The following CADM2 variants were observed in gnomAD, a reference collection of about 807,000 sequenced individuals.
CADM2 encodes the protein cell adhesion molecule 2.
In CADM2, 12 loss-of-function variants were observed where a neutral mutation model predicts 49.8. The ratio of observed to expected loss-of-function variants is 0.24; its 90% CI spans 0.15 to 0.39. The LOEUF (loss-of-function observed/expected upper bound fraction) is 0.39. Ranked by LOEUF, CADM2 falls within the 10% of genes least tolerant of loss-of-function variation. The pLI, the probability that CADM2 is intolerant of heterozygous loss-of-function variation, is 1.00. For missense variants in CADM2, 378 were observed against 492.3 expected (o/e 0.77, Z 2.20); for synonymous variants, 214 against 175.4 (o/e 1.22, Z -1.74).
At chr3:85,981,074 G>T (rs915000646) in intron 8 of CADM2, among the ~76,000 whole-genome samples, 8 of 150,596 alleles carry the variant, frequency 5.3e-5, no homozygotes, top group African/African-American at 1.9e-4. Flanking sequence ...AAGTACTATT[G>T]TTCTTTGTGG....
At chr3:85,624,233 T>A (rs1036524019) in intron 1 of CADM2, among the ~76,000 whole-genome samples, 24 of 152,172 alleles carry the variant, frequency 1.6e-4, no homozygotes, top group African/African-American at 4.3e-4. Flanking sequence ...TTTTAAAAAT[T>A]CAGATTCTTA....
chr3:85,357,466 A>T (rs574757731), intron 1 of CADM2, among the ~76,000 whole-genome samples: 4 of 152,156 alleles, frequency 2.6e-5, no homozygotes, highest in Admixed American at 2.6e-4. Flanking sequence ...ATTATCATTT[A>T]TTATTGAGTA....
At chr3:85,716,464 C>T (rs1321839932) in intron 1 of CADM2, among the ~76,000 whole-genome samples, 1 of 152,144 alleles carries the variant, frequency 6.6e-6, no homozygotes, top group Non-Finnish European at 1.5e-5. Context: ...TGCCTGTTCA[C>T]TCTGATGACA....
chr3:85,626,531 C>T (rs114273917), intron 1 of CADM2, among the ~76,000 whole-genome samples: 1 of 151,628 alleles, frequency 6.6e-6, no homozygotes, highest in Non-Finnish European at 1.5e-5. Flanking sequence ...TATTTATATG[C>T]CATTATTTAA....
intron 1 of CADM2, among the ~76,000 whole-genome samples, chr3:85,596,589 T>C (rs1576894493): frequency 6.6e-6 from 1 of 152,194 alleles, no homozygotes; most frequent in South Asian, 2.1e-4. Flanking sequence ...CCCATTTTGG[T>C]AAGACCACTT....
intron 1 of CADM2, among the ~76,000 whole-genome samples, chr3:85,144,446 T>G (rs2039671681): frequency 6.6e-6 from 1 of 151,856 alleles, no homozygotes; most frequent in African/African-American, 2.4e-5. Flanking sequence ...ACCCTGAGTC[T>G]ACTGAAAATA....
intron 1 of CADM2, among the ~76,000 whole-genome samples, chr3:85,596,512 G>A (rs1391639360): frequency 6.6e-6 from 1 of 151,992 alleles, no homozygotes; most frequent in East Asian, 1.9e-4. Context: ...TAATTAATGT[G>A]TGCAAATTGA....
intron 1 of CADM2, among the ~76,000 whole-genome samples, chr3:85,267,823 C>A (rs1360621509): frequency 6.6e-6 from 1 of 151,502 alleles, no homozygotes; most frequent in Admixed American, 6.6e-5. Context: ...AAAATATTTT[C>A]TTGGAAATAG....
At chr3:85,202,277 C>G (rs1361515076) in intron 1 of CADM2, among the ~76,000 whole-genome samples, 1 of 151,888 alleles carries the variant, frequency 6.6e-6, no homozygotes, top group African/African-American at 2.4e-5. Flanking sequence ...TGAATCTTTT[C>G]CAGAAAGTTT....
At position 85,809,763 on chromosome 3, in the gene CADM2, CCTCTCTCT is replaced by C. The variant is rs575170244; in HGVS notation, c.238+7590_238+7597del. On this transcript the variant is annotated intron_variant, in intron 3 of 9. Transcript: ENST00000383699. ...TCCCTCCTCTCTCCCTCCCTCCCTC[CCTCTCTCT>C]CTCTCTCTCTCTCTCTCTCTCTTTC... 2.1e-4 allele frequency among the ~76,000 whole-genome samples: 11 copies of C among 51,928 alleles called. No individual in the cohort carries two copies. In the South Asian group the frequency reaches 2.6e-3, roughly 12 times the overall value. The allele number at this position is 51,928 out of a possible 152,430, so 34.1% of individuals were successfully genotyped here.
chr3:86,041,589 T>C (rs1735948557), intron 8 of CADM2, among the ~76,000 whole-genome samples: 1 of 152,130 alleles, frequency 6.6e-6, no homozygotes, highest in Non-Finnish European at 1.5e-5. Flanking sequence ...AAGCAAGTCC[T>C]TAGAGACCCA....
At chr3:85,977,214 CT>C (rs1170940623) in intron 8 of CADM2, among the ~76,000 whole-genome samples, 1 of 151,122 alleles carries the variant, frequency 6.6e-6, no homozygotes, top group Admixed American at 6.6e-5. Flanking sequence ...ATTTGTATTC[CT>C]TCTCTTAATA....
At position 85,522,993 on chromosome 3, in the gene CADM2, G is replaced by GAAA. The variant is rs71108296; in HGVS notation, c.62-203515_62-203513dup. Among the ~76,000 whole-genome samples, 129 of 105,452 alleles carry GAAA rather than the reference G, an allele frequency of 1.2e-3. No individual in the cohort carries two copies. In the Middle Eastern group the frequency reaches 0.017, roughly 14 times the overall value. 69.2% of individuals were successfully genotyped at this position (105,452 alleles called of 152,430 possible). On this transcript the variant is annotated intron_variant, in intron 1 of 9. Coordinates refer to ENST00000383699, the MANE Select transcript of CADM2 (RefSeq NM_001167675.2). ...CATTATTTGTAGCCTACTTTTCCAA[G>GAAA]AAAAAAAAAAAAAAAAGAAAACTTG... is the stretch of plus-strand genomic sequence containing the variant.
At chr3:85,968,222 G>T (rs936429213) in intron 8 of CADM2, among the ~76,000 whole-genome samples, 1 of 151,540 alleles carries the variant, frequency 6.6e-6, no homozygotes, top group African/African-American at 2.4e-5. Flanking sequence ...GAATAAGCAG[G>T]GAGAGCTCTG....
intron 1 of CADM2, among the ~76,000 whole-genome samples, chr3:85,044,335 T>C (rs995308837): frequency 3.3e-5 from 5 of 152,080 alleles, no homozygotes; most frequent in Admixed American, 3.3e-4. Flanking sequence ...AAAAAAGACC[T>C]GGGTAATGTG....
chr3:84,969,421 G>T (rs1029389742), intron 1 of CADM2, among the ~76,000 whole-genome samples: 1 of 151,496 alleles, frequency 6.6e-6, no homozygotes, highest in Non-Finnish European at 1.5e-5. Flanking sequence ...AGAGAACTGA[G>T]CATTTGATTT....
chr3:85,341,952 G>A (rs1005649314), intron 1 of CADM2, among the ~76,000 whole-genome samples: 2 of 152,120 alleles, frequency 1.3e-5, no homozygotes, highest in Admixed American at 1.3e-4. Flanking sequence ...CATTGCATGG[G>A]CAAAGACTTC....
At chr3:85,033,840 A>C (rs1195951697) in intron 1 of CADM2, among the ~76,000 whole-genome samples, 1 of 152,226 alleles carries the variant, frequency 6.6e-6, no homozygotes, top group Non-Finnish European at 1.5e-5. Flanking sequence ...TATGTAGGTT[A>C]TTCAAACCAG....
In CADM2 at chr3:85,541,733, T is replaced by A. The variant is rs1371343996; in HGVS notation, c.62-184789T>A. On this transcript the variant is annotated intron_variant, in intron 1 of 9. Transcript: ENST00000383699. ...ATATTTTATATTATATATATATATT[T>A]TATATATATATTTTATATATTTTAT... is the stretch of plus-strand genomic sequence containing the variant. 3.5e-3 allele frequency among the ~76,000 whole-genome samples: 198 copies of A among 57,122 alleles called. 12 individuals are homozygous for A. The highest frequency in any genetic ancestry group is 9.8e-3 in the African/African-American group (188 of 19,152). 37.5% of individuals were successfully genotyped at this position (57,122 alleles called of 152,430 possible). A position where few individuals can be genotyped will look rare whatever the true frequency, so the allele number is the denominator to read the frequency against.
Sources: allele counts gnomAD v4.1 joint callset (sites outside exome capture counted in the v4.1 genomes callset), GRCh38; gene constraint gnomAD v4.1.1; transcripts MANE v1.5; gene names NCBI Gene and HGNC (gene_info 2026-07-23, HGNC 2026-07-21).